ELAVL2: variants seen among roughly 807,000 people sequenced by gnomAD.
ELAVL2 encodes ELAV-like protein 2.
In ELAVL2, 4 loss-of-function variants were observed where a neutral mutation model predicts 34.6. The observed-to-expected ratio is 0.12, with a 90% CI of 0.06 to 0.26. The LOEUF (loss-of-function observed/expected upper bound fraction) is 0.26, where lower values mean the gene tolerates loss of function less well. ELAVL2 is among the 10% of genes least tolerant of loss of function. The pLI, the probability that ELAVL2 is intolerant of heterozygous loss-of-function variation, is 1.00. For missense variants in ELAVL2, 432 were observed against 442.8 expected (o/e 0.98, Z 0.22); for synonymous variants, 193 against 154.8 (o/e 1.25, Z -1.83).
intron 3 of ELAVL2, among the ~76,000 whole-genome samples, chr9:23,718,276 A>C (rs2042811066): frequency 1.3e-5 from 2 of 152,182 alleles, no homozygotes; most frequent in Non-Finnish European, 2.9e-5. Flanking sequence ...TTTTAAATTT[A>C]AAACACAATC....
At chr9:23,759,860 G>A (rs901710093) in intron 2 of ELAVL2, among the ~76,000 whole-genome samples, 20 of 147,378 alleles carry the variant, frequency 1.4e-4, no homozygotes, top group Non-Finnish European at 2.4e-4. Context: ...ATTTCTTGGG[G>A]ACTCTACTTG....
At chr9:23,833,476 C>A in the ELAVL2 span, among the ~76,000 whole-genome samples, 1 of 151,606 alleles carries the variant, frequency 6.6e-6, no homozygotes, top group Non-Finnish European at 1.5e-5. Flanking sequence ...TGAAAAGATA[C>A]ACTGTCACCA....
At chr9:23,728,265 TG>T (rs1487558240) in intron 3 of ELAVL2, among the ~76,000 whole-genome samples, 1 of 152,070 alleles carries the variant, frequency 6.6e-6, no homozygotes, top group African/African-American at 2.4e-5. Flanking sequence ...CAGCAGGAGC[TG>T]GAACAACCTG....
chr9:23,690,167 A>C lies in ELAVL2; in HGVS notation c.*2390T>G, dbSNP rs1167629534. 1 of 152,636 alleles carries C rather than the reference A, an allele frequency of 6.6e-6. No homozygotes were observed. The highest frequency in any genetic ancestry group is 2.4e-5 in the African/African-American group (1 of 41,468). The allele number at this position is 152,636 out of a possible 1,614,324, so 9.5% of individuals were successfully genotyped here. A position where few individuals can be genotyped will look rare whatever the true frequency, so the allele number is the denominator to read the frequency against. On this transcript the variant is annotated 3_prime_UTR_variant, in exon 7 of 7. Coordinates refer to ENST00000397312, the MANE Select transcript of ELAVL2 (RefSeq NM_004432.5). ...AAAAGTACAAAGAATCCAAACACAA[A>C]AGAAAACATGTACAGCCTCTTAAAT...
intron 1 of ELAVL2, among the ~76,000 whole-genome samples, chr9:23,776,804 C>G (rs2058276911): frequency 7.0e-6 from 1 of 142,852 alleles, no homozygotes; most frequent in Non-Finnish European, 1.5e-5. Flanking sequence ...CCACTTCTAA[C>G]TTCAATATTT....
chr9:23,728,940 C>A (rs572467992), intron 3 of ELAVL2, among the ~76,000 whole-genome samples: 3 of 152,184 alleles, frequency 2.0e-5, no homozygotes, highest in Non-Finnish European at 2.9e-5. Context: ...TACCCTGACC[C>A]ACATCTCAGA....
chr9:23,754,652 G>A (rs977232126), intron 2 of ELAVL2, among the ~76,000 whole-genome samples: 2 of 152,052 alleles, frequency 1.3e-5, no homozygotes, highest in Non-Finnish European at 2.9e-5. Flanking sequence ...AGTACAATCA[G>A]GGTTTCACCA....
chr9:23,831,233 G>C (rs150821477), upstream of ELAVL2, among the ~76,000 whole-genome samples: 3 of 152,014 alleles, frequency 2.0e-5, no homozygotes, highest in Admixed American at 6.6e-5. Context: ...TAATAAAACC[G>C]GGCTGAGCAA....
chr9:23,842,626 T>A, the ELAVL2 span, among the ~76,000 whole-genome samples: 6 of 152,104 alleles, frequency 3.9e-5, no homozygotes, highest in African/African-American at 1.2e-4. Context: ...TGCTTCTTAG[T>A]GGATACTAAA....
intron 2 of ELAVL2, among the ~76,000 whole-genome samples, chr9:23,757,821 G>T (rs558486817): frequency 2.8e-4 from 42 of 152,092 alleles, no homozygotes; most frequent in Non-Finnish European, 5.0e-4. Flanking sequence ...ATTTCTTAAT[G>T]TACTTCCCTA....
chr9:23,705,116 C>A, intron 3 of ELAVL2, 45 bp from the exon 4 acceptor site: 1 of 1,606,346 alleles, frequency 6.2e-7, no homozygotes, highest in Admixed American at 1.7e-5. Flanking sequence ...TGCTCACTCA[C>A]CCACCTCCCT....
chr9:23,781,197 C>A (rs535522783), intron 1 of ELAVL2, among the ~76,000 whole-genome samples: 1 of 152,168 alleles, frequency 6.6e-6, no homozygotes. Context: ...AGGCACTATA[C>A]AAAGTAGGGT....
intron 1 of ELAVL2, among the ~76,000 whole-genome samples, chr9:23,796,651 C>G (rs534633239): frequency 6.6e-6 from 1 of 152,330 alleles, no homozygotes; most frequent in Non-Finnish European, 1.5e-5. Context: ...TTTACACCAT[C>G]CTTACGGAGA....
intron 5 of ELAVL2, among the ~76,000 whole-genome samples, chr9:23,695,317 C>T (rs546396990): frequency 6.6e-6 from 1 of 152,278 alleles, no homozygotes; most frequent in African/African-American, 2.4e-5. Context: ...ACCCAGAATG[C>T]AGAGGCACCT....
At chr9:23,824,227 A>G (rs2065138839) in intron 1 of ELAVL2, among the ~76,000 whole-genome samples, 1 of 152,208 alleles carries the variant, frequency 6.6e-6, no homozygotes, top group African/African-American at 2.4e-5. Flanking sequence ...GAACTTATCC[A>G]ACCTCCAATT....
At chr9:23,709,791 T>A (rs924125139) in intron 3 of ELAVL2, among the ~76,000 whole-genome samples, 5 of 152,222 alleles carry the variant, frequency 3.3e-5, no homozygotes, top group Non-Finnish European at 7.3e-5. Context: ...GAAGCAAGGT[T>A]ATGAAATGTC....
At chr9:23,716,546 C>CT (rs1379134539) in intron 3 of ELAVL2, among the ~76,000 whole-genome samples, 1 of 152,030 alleles carries the variant, frequency 6.6e-6, no homozygotes, top group Admixed American at 6.6e-5. Flanking sequence ...CTTTTTTCGT[C>CT]TTTGAGCACA....
At chr9:23,798,415 G>A (rs1027829148) in intron 1 of ELAVL2, among the ~76,000 whole-genome samples, 1 of 152,014 alleles carries the variant, frequency 6.6e-6, no homozygotes, top group African/African-American at 2.4e-5. Context: ...CACTCTACGT[G>A]CCATTTCCTT....
intron 3 of ELAVL2, among the ~76,000 whole-genome samples, chr9:23,709,566 A>T (rs2040372623): frequency 6.6e-6 from 1 of 152,284 alleles, no homozygotes; most frequent in East Asian, 1.9e-4. Flanking sequence ...TACAAGACTA[A>T]ACTCCCTTGA....
Sources: allele counts gnomAD v4.1 joint callset (sites outside exome capture counted in the v4.1 genomes callset), GRCh38; gene constraint gnomAD v4.1.1; transcripts MANE v1.5; gene names NCBI Gene and HGNC (gene_info 2026-07-23, HGNC 2026-07-21).